The following TRHDE variants were observed in gnomAD, a reference collection of about 807,000 sequenced individuals.
TRHDE encodes thyrotropin-releasing hormone-degrading ectoenzyme.
Under a neutral mutation model 125.7 loss-of-function variants are expected in TRHDE, and 72 were observed. The ratio of observed to expected loss-of-function variants is 0.57; its 90% CI spans 0.47 to 0.70. The LOEUF (loss-of-function observed/expected upper bound fraction) is 0.70, where lower values mean the gene tolerates loss of function less well. TRHDE is among the 30% of genes least tolerant of loss of function. The pLI, the probability that TRHDE is intolerant of heterozygous loss-of-function variation, is 0.00. For synonymous variants in TRHDE, 509 were observed against 509.1 expected (o/e 1.00, Z 0.00); for missense variants, 1,110 against 1,327.1 (o/e 0.84, Z 2.54).
intron 2 of TRHDE, among the ~76,000 whole-genome samples, chr12:72,224,278 A>T (rs1336938001): frequency 2.0e-5 from 3 of 151,674 alleles, no homozygotes; most frequent in Non-Finnish European, 4.4e-5. Context: ...CCCCCTAGGT[A>T]GACCAGAACC....
At chr12:72,258,019 G>C (rs1004263252) in intron 2 of TRHDE, 1 of 152,126 alleles carries the variant, frequency 6.6e-6, no homozygotes, top group Non-Finnish European at 1.5e-5. Flanking sequence ...CAGCTGGGTA[G>C]AAGATGAGGG....
chr12:72,522,279 A>G (rs1055938354), intron 6 of TRHDE, among the ~76,000 whole-genome samples: 2 of 152,262 alleles, frequency 1.3e-5, no homozygotes, highest in East Asian at 3.9e-4. Context: ...ATGAAGAGAC[A>G]CTCATTTCTT....
chr12:72,331,984 C>T (rs1490710371), intron 2 of TRHDE, among the ~76,000 whole-genome samples: 2 of 152,248 alleles, frequency 1.3e-5, no homozygotes, highest in East Asian at 1.9e-4. Flanking sequence ...GTTTTATTGG[C>T]TCACTGTTCT....
intron 3 of TRHDE, among the ~76,000 whole-genome samples, chr12:72,415,591 G>T (rs1441382206): frequency 6.6e-6 from 1 of 150,846 alleles, no homozygotes; most frequent in African/African-American, 2.4e-5. Context: ...CTCTCTCCAT[G>T]AGTTCATTTT....
intron 5 of TRHDE, among the ~76,000 whole-genome samples, chr12:72,478,937 A>AC (rs1346730571): frequency 4.0e-5 from 6 of 151,020 alleles, no homozygotes; most frequent in African/African-American, 1.2e-4. Context: ...AAAAAAAAAA[A>AC]AAAACAAAAA....
chr12:72,592,205 C>G (rs979983539), intron 12 of TRHDE, among the ~76,000 whole-genome samples: 1 of 151,950 alleles, frequency 6.6e-6, no homozygotes, highest in Admixed American at 6.6e-5. Flanking sequence ...CCAAATTTAC[C>G]TTTTCTTCTC....
chr12:72,186,205 G>A (rs775826567), intron 2 of TRHDE: 10 of 167,680 alleles, frequency 6.0e-5, no homozygotes, highest in South Asian at 1.8e-4. Context: ...AACACTTGCC[G>A]CGAAGATCTG....
chr12:72,486,598 G>A (rs946496165), intron 5 of TRHDE, among the ~76,000 whole-genome samples: 5 of 152,096 alleles, frequency 3.3e-5, no homozygotes, highest in Admixed American at 6.5e-5. Context: ...CACTGCACCC[G>A]CATGGAACCA....
intron 6 of TRHDE, among the ~76,000 whole-genome samples, chr12:72,523,190 T>A (rs1291180853): frequency 6.6e-6 from 1 of 151,300 alleles, no homozygotes; most frequent in African/African-American, 2.4e-5. Context: ...AGTAACTTGC[T>A]TTTTTTTTCT....
intron 2 of TRHDE, among the ~76,000 whole-genome samples, chr12:72,249,869 A>G (rs1878643948): frequency 6.6e-6 from 1 of 152,204 alleles, no homozygotes; most frequent in African/African-American, 2.4e-5. Context: ...CTTTATTTGT[A>G]ATAGTCCAAA....
intron 15 of TRHDE, among the ~76,000 whole-genome samples, chr12:72,634,874 G>A (rs1348036675): frequency 6.6e-6 from 1 of 151,870 alleles, no homozygotes; most frequent in Admixed American, 6.6e-5. Context: ...GTGTATATGT[G>A]CCACATTTTC....
At chr12:72,337,502 C>G (rs1638333155) in intron 2 of TRHDE, among the ~76,000 whole-genome samples, 2 of 152,044 alleles carry the variant, frequency 1.3e-5, no homozygotes, top group Admixed American at 6.6e-5. Context: ...AGTTTCTCCC[C>G]TTAATTATTT....
At chr12:72,332,484 C>T (rs1869649958) in intron 2 of TRHDE, among the ~76,000 whole-genome samples, 1 of 152,084 alleles carries the variant, frequency 6.6e-6, no homozygotes, top group Non-Finnish European at 1.5e-5. Flanking sequence ...ACCCACTTAT[C>T]ACCCAGGGGA....
intron 3 of TRHDE, among the ~76,000 whole-genome samples, chr12:72,379,880 A>T (rs755682040): frequency 2.0e-5 from 3 of 152,122 alleles, no homozygotes; most frequent in Non-Finnish European, 4.4e-5. Context: ...GTGCTTTGTA[A>T]AATTTCTCTT....
chr12:72,306,734 A>G (rs1176697888), intron 2 of TRHDE: 2 of 152,192 alleles, frequency 1.3e-5, no homozygotes, highest in African/African-American at 2.4e-5. Flanking sequence ...CATTGTTTCT[A>G]TTCCAGTGGG....
intron 3 of TRHDE, among the ~76,000 whole-genome samples, chr12:72,381,080 A>T (rs1318291473): frequency 2.0e-5 from 3 of 152,084 alleles, no homozygotes. Flanking sequence ...ATATCTGGAG[A>T]CATTTTTGTT....
chr12:72,135,083 T>C (rs961348321), intron 2 of TRHDE, among the ~76,000 whole-genome samples: 6 of 151,608 alleles, frequency 4.0e-5, no homozygotes, highest in Non-Finnish European at 8.8e-5. Flanking sequence ...AATGTAAAAA[T>C]GCATCAGGCT....
At chr12:72,289,518 G>A (rs1880010691) in intron 2 of TRHDE, among the ~76,000 whole-genome samples, 1 of 152,166 alleles carries the variant, frequency 6.6e-6, no homozygotes, top group South Asian at 2.1e-4. Flanking sequence ...TCAACATTTA[G>A]AAAGTAGAAG....
At chr12:72,292,699 G>T (rs1159274386) in intron 2 of TRHDE, among the ~76,000 whole-genome samples, 1 of 152,134 alleles carries the variant, frequency 6.6e-6, no homozygotes, top group Non-Finnish European at 1.5e-5. Context: ...AGCCCCAGAG[G>T]CTTCTGCTAA....
Sources: allele counts gnomAD v4.1 joint callset (sites outside exome capture counted in the v4.1 genomes callset), GRCh38; gene constraint gnomAD v4.1.1; transcripts MANE v1.5; gene names NCBI Gene and HGNC (gene_info 2026-07-23, HGNC 2026-07-21).